The following CDK14 variants were observed in gnomAD, a reference collection of about 807,000 sequenced individuals.
CDK14 encodes the protein cyclin dependent kinase 14.
Under a neutral mutation model 60.7 loss-of-function variants are expected in CDK14, and 34 were observed. The observed-to-expected ratio is 0.56, with a 90% CI of 0.43 to 0.75. The LOEUF is 0.75. Among genes scored for constraint, CDK14 ranks in the 30% least tolerant of loss-of-function variants. The pLI, the probability that CDK14 is intolerant of heterozygous loss-of-function variation, is 0.00. For missense variants in CDK14, 482 were observed against 564.1 expected (o/e 0.85, Z 1.47); for synonymous variants, 197 against 203.7 (o/e 0.97, Z 0.28).
At chr7:90,821,768 G>T (rs1789559726) in intron 5 of CDK14, among the ~76,000 whole-genome samples, 1 of 152,054 alleles carries the variant, frequency 6.6e-6, no homozygotes, top group Admixed American at 6.6e-5. Flanking sequence ...TAGACTTCCG[G>T]GGTCCCATCA....
At chr7:90,807,303 G>C (rs1788890622) in intron 5 of CDK14, among the ~76,000 whole-genome samples, 1 of 152,228 alleles carries the variant, frequency 6.6e-6, no homozygotes, top group Admixed American at 6.5e-5. Context: ...AACATTTGCT[G>C]TTCACCAATA....
At chr7:91,055,130 G>T (rs1371726998) in intron 11 of CDK14, among the ~76,000 whole-genome samples, 2 of 152,164 alleles carry the variant, frequency 1.3e-5, no homozygotes, top group African/African-American at 4.8e-5. Flanking sequence ...CTACCAGTTA[G>T]CAGTGATGCC....
intron 2 of CDK14, among the ~76,000 whole-genome samples, chr7:90,677,209 G>A (rs1801217698): frequency 6.6e-6 from 1 of 152,146 alleles, no homozygotes; most frequent in African/African-American, 2.4e-5. Context: ...TATATAGACT[G>A]GTAAGTTCCA....
chr7:91,112,925 A>G (rs1194849092), intron 13 of CDK14, among the ~76,000 whole-genome samples: 1 of 151,954 alleles, frequency 6.6e-6, no homozygotes, highest in East Asian at 1.9e-4. Context: ...GAATCCTGCC[A>G]TTCATTTGCT....
chr7:91,153,346 C>G (rs544743229), intron 14 of CDK14, among the ~76,000 whole-genome samples: 57 of 152,210 alleles, frequency 3.7e-4, no homozygotes, highest in African/African-American at 1.3e-3. Context: ...CCTCAAGGAG[C>G]TAAAAGCAGA....
intron 4 of CDK14, among the ~76,000 whole-genome samples, chr7:90,777,336 G>GAA (rs1805092381): frequency 6.6e-6 from 1 of 152,138 alleles, no homozygotes; most frequent in Non-Finnish European, 1.5e-5. Flanking sequence ...CAACTATGAG[G>GAA]ACACTCAAAA....
intron 2 of CDK14, among the ~76,000 whole-genome samples, chr7:90,605,295 T>A (rs1799395091): frequency 6.6e-6 from 1 of 152,188 alleles, no homozygotes; most frequent in South Asian, 2.1e-4. Context: ...CACGGTCTGC[T>A]GCTTCATCTG....
At chr7:90,731,033 G>C (rs1802841892) in intron 3 of CDK14, among the ~76,000 whole-genome samples, 1 of 152,132 alleles carries the variant, frequency 6.6e-6, no homozygotes, top group Non-Finnish European at 1.5e-5. Context: ...TTTTGTATAA[G>C]GTGTAAGCAA....
intron 9 of CDK14, among the ~76,000 whole-genome samples, chr7:90,966,508 A>G (rs1265135823): frequency 6.6e-6 from 1 of 152,136 alleles, no homozygotes; most frequent in African/African-American, 2.4e-5. Flanking sequence ...GACATCCTCA[A>G]AGCAGAGTGG....
intron 4 of CDK14, among the ~76,000 whole-genome samples, chr7:90,757,800 G>A (rs1168668649): frequency 6.6e-6 from 1 of 151,890 alleles, no homozygotes; most frequent in Non-Finnish European, 1.5e-5. Flanking sequence ...ACGGGGTTTT[G>A]CCATGTTGCC....
At chr7:91,196,711 T>C (rs1308221130) in intron 14 of CDK14, among the ~76,000 whole-genome samples, 1 of 152,220 alleles carries the variant, frequency 6.6e-6, no homozygotes, top group Non-Finnish European at 1.5e-5. Context: ...AGAATGTGAT[T>C]GACTGTGACT....
chr7:91,102,651 C>T (rs1227177622), intron 12 of CDK14, among the ~76,000 whole-genome samples: 3 of 151,044 alleles, frequency 2.0e-5, no homozygotes, highest in African/African-American at 7.3e-5. Context: ...AACAAACATC[C>T]ATGCAGTCCT....
chr7:90,733,665 A>G (rs903110612), intron 3 of CDK14, among the ~76,000 whole-genome samples: 22 of 152,086 alleles, frequency 1.4e-4, no homozygotes, highest in African/African-American at 5.3e-4. Context: ...TGGTTGGTAA[A>G]TATTCCTCCA....
intron 10 of CDK14, among the ~76,000 whole-genome samples, chr7:91,011,139 T>C (rs1306548075): frequency 1.9e-4 from 29 of 151,950 alleles, no homozygotes. Context: ...TTTTTTCTTG[T>C]CTACTGAGAT....
At chr7:90,999,261 C>T (rs116382242) in intron 10 of CDK14, among the ~76,000 whole-genome samples, 53 of 151,926 alleles carry the variant, frequency 3.5e-4, no homozygotes, top group African/African-American at 1.2e-3. Flanking sequence ...GAGGAATTAA[C>T]GGTATAATAG....
At chr7:90,874,686 G>C (rs577374458) in intron 6 of CDK14, among the ~76,000 whole-genome samples, 1 of 149,586 alleles carries the variant, frequency 6.7e-6, no homozygotes, top group Non-Finnish European at 1.5e-5. Context: ...CCGCCACCGT[G>C]CCCGGCTAAT....
chr7:90,709,300 C>T, intron 2 of CDK14: 2 of 765,740 alleles, frequency 2.6e-6, no homozygotes, highest in Non-Finnish European at 3.7e-6. Context: ...ACTTGGCCTT[C>T]TATAGGATCC....
chr7:91,096,695 T>A (rs751958445), intron 12 of CDK14, among the ~76,000 whole-genome samples: 12 of 152,234 alleles, frequency 7.9e-5, no homozygotes, highest in Admixed American at 2.6e-4. Flanking sequence ...TTAATGGAAG[T>A]GCTGGGTGCA....
chr7:90,726,391 A>G (rs1489978674), intron 2 of CDK14, 176 bp from the exon 3 acceptor site: 2 of 1,277,492 alleles, frequency 1.6e-6, no homozygotes, highest in Middle Eastern at 2.8e-4. Flanking sequence ...TGTAAACACA[A>G]TGATTGTGAG....
Sources: gnomAD v4.1 joint callset for allele counts (sites outside exome capture counted in the v4.1 genomes callset) on GRCh38, gnomAD v4.1.1 for gene constraint, MANE v1.5 for transcripts, NCBI Gene and HGNC (gene_info 2026-07-23, HGNC 2026-07-21) for gene names.